Variants in TBL1XR1 observed in about 807,000 individuals in gnomAD.
TBL1XR1 encodes the protein F-box-like/WD repeat-containing protein TBL1XR1.
TBL1XR1 carries 5 observed loss-of-function variants against 66.9 expected under a neutral mutation model. That is an observed-to-expected ratio of 0.07 (90% CI 0.04 to 0.16). The LOEUF (loss-of-function observed/expected upper bound fraction) is 0.16, where lower values mean the gene tolerates loss of function less well. TBL1XR1 is among the 10% of genes least tolerant of loss of function. The pLI, the probability that TBL1XR1 is intolerant of heterozygous loss-of-function variation, is 1.00. For missense variants in TBL1XR1, 238 were observed against 623.2 expected (o/e 0.38, Z 6.58); for synonymous variants, 210 against 206.0 (o/e 1.02, Z -0.17).
At chr3:177,132,244 T>C (rs1049445687) in intron 1 of TBL1XR1, among the ~76,000 whole-genome samples, 2 of 152,256 alleles carry the variant, frequency 1.3e-5, no homozygotes, top group African/African-American at 4.8e-5. Context: ...CCCACTGAGA[T>C]TCCACTATGG....
At position 177,144,040 on chromosome 3, in the gene TBL1XR1, GT is replaced by G; in HGVS notation, c.-121-45500del. Among the ~76,000 whole-genome samples, 5 of 151,802 alleles carry G rather than the reference GT, an allele frequency of 3.3e-5. 1 individual carries two copies. Among genetic ancestry groups the G allele is most frequent in the Admixed American group, 3.3e-4 (5 of 15,232 alleles). On this transcript the variant is annotated intron_variant, in intron 1 of 15. Coordinates refer to ENST00000457928, the MANE Select transcript of TBL1XR1 (RefSeq NM_024665.7). ...GCAGGCGGATCACCTGAGGTAGGGA[GT>G]TTAAGACCAGCCTGACCAACATGGA...
intron 2 of TBL1XR1, among the ~76,000 whole-genome samples, chr3:177,071,365 C>T (rs1719987144): frequency 6.6e-6 from 1 of 152,042 alleles, no homozygotes; most frequent in South Asian, 2.1e-4. Context: ...GTAATAAATA[C>T]TACCCACAGT....
intron 14 of TBL1XR1, chr3:177,027,058 C>CAATCAT (rs1343244673): frequency 1.3e-5 from 2 of 152,304 alleles, no homozygotes; most frequent in Non-Finnish European, 2.9e-5. Context: ...TGCAGCTGTG[C>CAATCAT]AATCATAGCT....
intron 1 of TBL1XR1, among the ~76,000 whole-genome samples, chr3:177,181,463 G>C (rs1734809968): frequency 7.1e-6 from 1 of 139,986 alleles, no homozygotes; most frequent in African/African-American, 2.7e-5. Flanking sequence ...CTGAGTGACA[G>C]AGCCAGACTC....
intron 1 of TBL1XR1, among the ~76,000 whole-genome samples, chr3:177,145,438 G>A (rs941293010): frequency 6.6e-6 from 1 of 151,984 alleles, no homozygotes; most frequent in Admixed American, 6.6e-5. Flanking sequence ...CTGACAAGGG[G>A]GACATAAGCC....
chr3:177,114,518 C>G (rs1726057008), intron 1 of TBL1XR1, among the ~76,000 whole-genome samples: 1 of 151,714 alleles, frequency 6.6e-6, no homozygotes, highest in South Asian at 2.1e-4. Context: ...CCAGGCTAGT[C>G]TTGAACTCCT....
chr3:177,126,293 C>T (rs1234892110), intron 1 of TBL1XR1, among the ~76,000 whole-genome samples: 1 of 152,120 alleles, frequency 6.6e-6, no homozygotes, highest in African/African-American at 2.4e-5. Flanking sequence ...GTTGATGCTG[C>T]CAAGGATCAC....
chr3:177,043,900 A>AC (rs1305789782), intron 10 of TBL1XR1, among the ~76,000 whole-genome samples: 1 of 152,078 alleles, frequency 6.6e-6, no homozygotes, highest in Non-Finnish European at 1.5e-5. Flanking sequence ...GTCACCATCT[A>AC]CCTTGAGGTG....
At chr3:177,136,880 T>G (rs990887163) in intron 1 of TBL1XR1, among the ~76,000 whole-genome samples, 2 of 152,190 alleles carry the variant, frequency 1.3e-5, no homozygotes, top group Non-Finnish European at 2.9e-5. Context: ...TATGCTTCAC[T>G]AAAGACAATT....
At chr3:177,156,560 T>C (rs1042172429) in intron 1 of TBL1XR1, among the ~76,000 whole-genome samples, 5 of 149,568 alleles carry the variant, frequency 3.3e-5, no homozygotes, top group East Asian at 2.0e-4. Context: ...TATATATATA[T>C]ACACACACAT....
intron 1 of TBL1XR1, among the ~76,000 whole-genome samples, chr3:177,114,266 T>C (rs1221550633): frequency 2.0e-5 from 3 of 151,200 alleles, no homozygotes; most frequent in African/African-American, 7.3e-5. Context: ...TATATAATCA[T>C]ATATATATAC....
At chr3:177,091,970 A>G (rs1183093863) in intron 2 of TBL1XR1, among the ~76,000 whole-genome samples, 1 of 152,210 alleles carries the variant, frequency 6.6e-6, no homozygotes, top group Non-Finnish European at 1.5e-5. Flanking sequence ...ATGATCATCA[A>G]TGTCGCCTAC....
At chr3:177,179,043 G>A (rs886349144) in intron 1 of TBL1XR1, among the ~76,000 whole-genome samples, 1 of 151,302 alleles carries the variant, frequency 6.6e-6, no homozygotes, top group Non-Finnish European at 1.5e-5. Context: ...CTTGAAGCCG[G>A]GAGGTGGCAA....
intron 1 of TBL1XR1, among the ~76,000 whole-genome samples, chr3:177,150,056 A>G (rs528430437): frequency 2.5e-4 from 38 of 152,342 alleles, no homozygotes; most frequent in Middle Eastern, 6.8e-3. Flanking sequence ...TTCAATATTT[A>G]AACCACAAAG....
At chr3:177,152,672 T>C (rs1008415459) in intron 1 of TBL1XR1, among the ~76,000 whole-genome samples, 1 of 152,230 alleles carries the variant, frequency 6.6e-6, no homozygotes, top group African/African-American at 2.4e-5. Context: ...TCCTAGGTTC[T>C]ATATATCTCT....
intron 10 of TBL1XR1, among the ~76,000 whole-genome samples, chr3:177,038,641 T>A (rs1052126637): frequency 6.6e-6 from 1 of 152,190 alleles, no homozygotes; most frequent in African/African-American, 2.4e-5. Flanking sequence ...TATTTCTAGG[T>A]GAGACAGACC....
intron 1 of TBL1XR1, among the ~76,000 whole-genome samples, chr3:177,181,259 C>T (rs1374183793): frequency 1.3e-5 from 2 of 151,990 alleles, no homozygotes; most frequent in African/African-American, 4.8e-5. Context: ...GTGGGTGGAT[C>T]GCTTGAGGCC....
intron 1 of TBL1XR1, chr3:177,161,138 T>G (rs1732162542): frequency 6.6e-6 from 1 of 152,234 alleles, no homozygotes; most frequent in African/African-American, 2.4e-5. Context: ...TTTTGGAAAT[T>G]TGGTAAATGC....
In TBL1XR1 at chr3:177,130,877, G is replaced by A. The variant is rs932054060; in HGVS notation, c.-121-32336C>T. The stretch of plus-strand genomic sequence containing the variant: ...GTACTGTGAAATTGGTTAAATTACT[G>A]AGCCGGACACAGAGGCTTGCACCTA... On this transcript the variant is annotated intron_variant, in intron 1 of 15. Transcript: ENST00000457928. Among the ~76,000 whole-genome samples the A allele has an allele frequency of 3.9e-5, 6 of 152,274 alleles. No individual in the cohort carries two copies. In the South Asian group the frequency reaches 1.2e-3, roughly 32 times the overall value.
Sources: gnomAD v4.1 joint callset for allele counts (sites outside exome capture counted in the v4.1 genomes callset) on GRCh38, gnomAD v4.1.1 for gene constraint, MANE v1.5 for transcripts, NCBI Gene and HGNC (gene_info 2026-07-23, HGNC 2026-07-21) for gene names.